Variants in USP8 observed in about 807,000 individuals in gnomAD.
The protein encoded by USP8 is ubiquitin carboxyl-terminal hydrolase 8.
A neutral mutation model predicts 130.0 loss-of-function variants in USP8; 27 were observed. The observed-to-expected ratio is 0.21, with a 90% CI of 0.15 to 0.29. The LOEUF is 0.29. Among genes scored for constraint, USP8 ranks in the 10% least tolerant of loss-of-function variants. The pLI is 1.00. For missense variants in USP8, 1,029 were observed against 1,312.2 expected (o/e 0.78, Z 3.33); for synonymous variants, 392 against 444.1 (o/e 0.88, Z 1.48).
chr15:50,457,689 T>G (rs1215487044), intron 4 of USP8, among the ~76,000 whole-genome samples: 1 of 151,156 alleles, frequency 6.6e-6, no homozygotes, highest in African/African-American at 2.4e-5. Flanking sequence ...TGGTGAACCC[T>G]GTCTCTACTA....
intron 7 of USP8, among the ~76,000 whole-genome samples, chr15:50,467,333 T>C (rs2051227033): frequency 1.3e-5 from 2 of 152,146 alleles, no homozygotes; most frequent in African/African-American, 4.8e-5. Context: ...TGATTTTAGG[T>C]TGAAGATTAA....
rs2052525848 is a variant in USP8 at position 50,499,180 on chromosome 15, C to T, written c.*92C>T. 2 of 1,303,362 alleles carry T rather than the reference C, an allele frequency of 1.5e-6. No individual in the cohort carries two copies. The highest frequency in any genetic ancestry group is 3.1e-5 in the South Asian group (2 of 63,800). 80.7% of individuals were successfully genotyped at this position (1,303,362 alleles called of 1,614,324 possible). A position where few individuals can be genotyped will look rare whatever the true frequency, so the allele number is the denominator to read the frequency against. On this transcript the variant is annotated 3_prime_UTR_variant, in exon 20 of 20. Transcript: ENST00000307179. ...CAGGATAATGGTAGCTATAGCTGGC[C>T]ATTTAGAGGAATTCTAGGACAGTGG...
chr15:50,505,415 AT>A lies in USP8; in HGVS notation c.*6330del, dbSNP rs1236007927. 1 of 152,190 alleles carries A rather than the reference AT, an allele frequency of 6.6e-6. No homozygotes were observed. Among genetic ancestry groups the A allele is most frequent in the African/African-American group, 2.4e-5 (1 of 41,458 alleles). 9.4% of individuals were successfully genotyped at this position (152,190 alleles called of 1,614,324 possible). A position where few individuals can be genotyped will look rare whatever the true frequency, so the allele number is the denominator to read the frequency against. On this transcript the variant is annotated 3_prime_UTR_variant, in exon 20 of 20. Coordinates refer to ENST00000307179, the MANE Select transcript of USP8 (RefSeq NM_005154.5). ...AAAATAACTGTCAATCTGGAATTTG[AT>A]TTCTAGTTATCATCCAAGAATGAAA...
chr15:50,484,314 A>T lies in USP8; in HGVS notation c.1843A>T (p.Arg615Trp). ...AGGACAACCAGAAAGTGGAATTCTA[A>T]GGACAGGAACTTTTAGAGAGGATAC... ...IKGQPESGIL[R>W]TGTFREDTDD... Residue 615 changes from arginine to tryptophan, a missense_variant, in exon 12 of 20, where the codon AGG becomes TGG. Transcript: ENST00000307179. 1 of 1,612,314 alleles carries T rather than the reference A, an allele frequency of 6.2e-7. No homozygotes were observed.
At chr15:50,465,665 G>A (rs1269597566) in intron 7 of USP8, among the ~76,000 whole-genome samples, 1 of 152,048 alleles carries the variant, frequency 6.6e-6, no homozygotes, top group Non-Finnish European at 1.5e-5. Context: ...CATGTGAATC[G>A]TATGTACCAA....
At chr15:50,432,821 A>G (rs2049973686) in intron 1 of USP8, among the ~76,000 whole-genome samples, 1 of 152,194 alleles carries the variant, frequency 6.6e-6, no homozygotes, top group Non-Finnish European at 1.5e-5. Context: ...GATTTTAAAA[A>G]CACTGCCCTC....
At position 50,514,171 on chromosome 15, in the gene USP8, A is replaced by G. The variant is rs1267372438; in HGVS notation, c.*15083A>G. On this transcript the variant is annotated 3_prime_UTR_variant, in exon 20 of 20. Transcript: ENST00000307179. ...GGAGCCAGACACAAAAAAAGGATATACTGTACAATTCCATTTATACGAAGC... is the reference window on the plus strand; with the variant it reads ...GGAGCCAGACACAAAAAAAGGATATGCTGTACAATTCCATTTATACGAAGC... 2 of 152,214 alleles carry G rather than the reference A, an allele frequency of 1.3e-5. No individual in the cohort carries two copies. The highest frequency in any genetic ancestry group is 6.5e-5 in the Admixed American group (1 of 15,284). 9.4% of individuals were successfully genotyped at this position (152,214 alleles called of 1,614,324 possible).
At position 50,459,206 on chromosome 15, in the gene USP8, G is replaced by C. The variant is rs766801035; in HGVS notation, c.498+44G>C. The C allele has an allele frequency of 2.6e-6, 4 of 1,563,728 alleles. No individual in the cohort carries two copies. The African/African-American group carries it at 5.5e-5, about 22-fold the overall frequency. On this transcript the variant is annotated intron_variant, in intron 5 of 19. Transcript: ENST00000307179. ...GTGAGTTAAAAGACTGTTTCTGCTT[G>C]TTAGATGATTTGCTTAAAAAGAGTT... is the stretch of plus-strand genomic sequence containing the variant.
chr15:50,499,933 T>TTAAAG lies in USP8; in HGVS notation c.*850_*854dup, dbSNP rs1217406142. On this transcript the variant is annotated 3_prime_UTR_variant, in exon 20 of 20. Transcript: ENST00000307179. ...ATATTGAGAATATTCATTCTAAATA[T>TTAAAG]TAAAGTAAAAATGCCGGGAGTCAGG... The TTAAAG allele has an allele frequency of 5.9e-5, 9 of 152,114 alleles. No homozygotes were observed. Among genetic ancestry groups the TTAAAG allele is most frequent in the Non-Finnish European group, 7.4e-5 (5 of 68,014 alleles). 9.4% of individuals were successfully genotyped at this position (152,114 alleles called of 1,614,324 possible). A position where few individuals can be genotyped will look rare whatever the true frequency, so the allele number is the denominator to read the frequency against.
At chr15:50,469,250 A>G (rs1013238161) in intron 7 of USP8, among the ~76,000 whole-genome samples, 1 of 152,200 alleles carries the variant, frequency 6.6e-6, no homozygotes, top group African/African-American at 2.4e-5. Context: ...TTAGGGCTAT[A>G]CAATTTCCTA....
Position 50,496,971 on chromosome 15 carries a change from T to C in USP8, c.2896-118T>C, listed in dbSNP as rs2052439568. 3.8e-6 allele frequency: 5 copies of C among 1,323,358 alleles called. No individual in the cohort carries two copies. In the South Asian group the frequency reaches 5.9e-5, roughly 15 times the overall value. 82.0% of individuals were successfully genotyped at this position (1,323,358 alleles called of 1,614,324 possible). The stretch of plus-strand genomic sequence containing the variant: ...CAAGCTTTGGGAAGGCAGGAACTCT[T>C]TTGTGTAGATTGCTGTTGAATCACT... On this transcript the variant is annotated intron_variant, in intron 17 of 19. Transcript: ENST00000307179.
chr15:50,495,827 C>T, intron 16 of USP8, 21 bp from the exon 17 acceptor site: 1 of 1,572,180 alleles, frequency 6.4e-7, no homozygotes, highest in East Asian at 2.2e-5. Context: ...TAATATAGAG[C>T]TTAAATCATT....
chr15:50,447,622 G>A (rs2050485453), intron 3 of USP8, among the ~76,000 whole-genome samples: 1 of 151,238 alleles, frequency 6.6e-6, no homozygotes, highest in African/African-American at 2.4e-5. Flanking sequence ...GAGTACAATG[G>A]CGTGATCTCA....
chr15:50,456,797 A>C (rs565366136), intron 4 of USP8, among the ~76,000 whole-genome samples: 6 of 152,298 alleles, frequency 3.9e-5, no homozygotes, highest in African/African-American at 1.4e-4. Context: ...GAGGCAGGAG[A>C]ATTGCTTGAA....
chr15:50,426,614 TGTC>T (rs2049735713), intron 1 of USP8, among the ~76,000 whole-genome samples: 2 of 152,228 alleles, frequency 1.3e-5, no homozygotes, highest in South Asian at 2.1e-4. Flanking sequence ...CAGCTGGAAA[TGTC>T]AACTGGAATG....
intron 6 of USP8, among the ~76,000 whole-genome samples, chr15:50,464,532 A>G (rs954540252): frequency 2.0e-5 from 3 of 152,218 alleles, no homozygotes; most frequent in Non-Finnish European, 4.4e-5. Context: ...CTTTGTAAAC[A>G]GAGCATCGAA....
intron 10 of USP8, among the ~76,000 whole-genome samples, chr15:50,478,459 C>T (rs995397961): frequency 1.3e-5 from 2 of 151,916 alleles, no homozygotes; most frequent in Non-Finnish European, 2.9e-5. Context: ...AAGTGGATGA[C>T]GTTTGATTTG....
intron 2 of USP8, 41 bp from the exon 3 acceptor site, chr15:50,441,308 A>G (rs755174283): frequency 2.6e-6 from 4 of 1,538,380 alleles, no homozygotes; most frequent in Non-Finnish European, 3.5e-6. Context: ...TTTTTCCCAG[A>G]TGTCAATTGC....
rs1213084336 is a variant in USP8, at chr15:50,499,007, C to T, written c.3276C>T (p.Ser1092=). Residue 1092 remains serine, a synonymous_variant, in exon 20 of 20, where the codon TCC becomes TCT. Transcript: ENST00000307179. ...ATGATCATGAAGTTTCTGATATCTC[C>T]GTTTCTTCTGTGAAATCTTCAGCAG... ...KFDDHEVSDI[S]VSSVKSSAAY... The T allele has an allele frequency of 9.9e-6, 16 of 1,613,908 alleles. No individual in the cohort carries two copies. The highest frequency in any genetic ancestry group is 1.3e-5 in the Non-Finnish European group (15 of 1,179,888).
Sources: allele counts gnomAD v4.1 joint callset (sites outside exome capture counted in the v4.1 genomes callset), GRCh38; gene constraint gnomAD v4.1.1; transcripts MANE v1.5; gene names NCBI Gene and HGNC (gene_info 2026-07-23, HGNC 2026-07-21).